The following PSMD8 variants were observed in gnomAD, a reference collection of about 807,000 sequenced individuals.
PSMD8 encodes 26S proteasome non-ATPase regulatory subunit 8.
A neutral mutation model predicts 40.0 loss-of-function variants in PSMD8; 30 were observed. That is an observed-to-expected ratio of 0.75 (90% CI 0.56 to 1.02). PSMD8 has a LOEUF of 1.02. PSMD8 is among the 50% of genes least tolerant of loss of function. PSMD8 has a pLI of 0.00. For missense variants in PSMD8, 461 were observed against 463.9 expected, an observed-to-expected ratio of 0.99 and a Z score of 0.06; for synonymous variants, 208 against 192.5, an observed-to-expected ratio of 1.08 and a Z score of -0.67.
chr19:38,380,088 A>G (rs961518245), intron 4 of PSMD8, among the ~76,000 whole-genome samples: 6 of 152,244 alleles, frequency 3.9e-5, no homozygotes, highest in Non-Finnish European at 8.8e-5. Context: ...AGGAGTTCGA[A>G]ACCAGCCTGG....
intron 3 of PSMD8, among the ~76,000 whole-genome samples, chr19:38,377,930 G>A (rs371188090): frequency 4.0e-4 from 61 of 151,182 alleles, no homozygotes; most frequent in Admixed American, 2.8e-3. Context: ...GTGAGCCACC[G>A]CGCCCGGCCA....
rs767031089 is a variant in PSMD8 at position 38,374,644 on chromosome 19, C to G, written c.43C>G (p.Arg15Gly). 2 of 1,513,736 alleles carry G rather than the reference C, an allele frequency of 1.3e-6. No homozygotes were observed. The highest frequency in any genetic ancestry group is 8.8e-7 in the Non-Finnish European group (1 of 1,138,332). The allele number at this position is 1,513,736 out of a possible 1,614,324, so 93.8% of individuals were successfully genotyped here. Residue 15 changes from arginine (R) to glycine (G), a missense_variant, in exon 1 of 7, where the codon CGA becomes GGA. Physicochemically the swap from Arg to Gly is moderately radical, Grantham distance 125 (BLOSUM62 -2). Coordinates refer to ENST00000215071, the MANE Select transcript of PSMD8 (RefSeq NM_002812.5). The part of the protein sequence containing the change: ...GRAPRAPPRE[R>G]RRATRGGLRQ... The stretch of plus-strand genomic sequence containing the variant: ...GGCTCCGAGGGCGCCACCTCGAGAG[C>G]GACGGCGGGCTACCCGGGGCGGGCT...
At chr19:38,380,604 A>T (rs1280360669) in intron 4 of PSMD8, among the ~76,000 whole-genome samples, 1 of 142,252 alleles carries the variant, frequency 7.0e-6, no homozygotes, top group Non-Finnish European at 1.5e-5. Flanking sequence ...CCTGGAAAAT[A>T]GATGGATAAT....
At position 38,374,665 on chromosome 19, in the gene PSMD8, G is replaced by T. The variant is rs1011864894; in HGVS notation, c.64G>T (p.Gly22Trp). 2.6e-6 allele frequency: 4 copies of T among 1,523,738 alleles called. No homozygotes were observed. The highest frequency in any genetic ancestry group is 2.8e-5 in the African/African-American group (2 of 70,968). 94.4% of individuals were successfully genotyped at this position (1,523,738 alleles called of 1,614,324 possible). Residue 22 changes from glycine to tryptophan, a missense_variant, in exon 1 of 7, where the codon GGG (glycine) becomes TGG (tryptophan). Physicochemically the swap from Gly to Trp is radical, Grantham distance 184 (BLOSUM62 -2). Coordinates refer to ENST00000215071, the MANE Select transcript of PSMD8 (RefSeq NM_002812.5). ...PRERRRATRGGLRQVVAPPRA... is the reference protein window; with the variant it reads ...PRERRRATRGWLRQVVAPPRA... ...AGAGCGACGGCGGGCTACCCGGGGC[G>T]GGCTGAGGCAGGTTGTAGCCCCGCC...
chr19:38,383,515 A>G lies in PSMD8; in HGVS notation c.*125A>G, dbSNP rs2145131615. 6 of 1,303,798 alleles carry G rather than the reference A, an allele frequency of 4.6e-6. No individual in the cohort carries two copies. Among genetic ancestry groups the G allele is most frequent in the Non-Finnish European group, 6.4e-6 (6 of 941,330 alleles). 80.8% of individuals were successfully genotyped at this position (1,303,798 alleles called of 1,614,324 possible). A position where few individuals can be genotyped will look rare whatever the true frequency, so the allele number is the denominator to read the frequency against. ...CCCTTGTCTCCCCAGTTGGGACGGC[A>G]GAGAGACAAGTTCTTATATCTGAAG... On this transcript the variant is annotated 3_prime_UTR_variant, in exon 7 of 7. Coordinates refer to ENST00000215071, the MANE Select transcript of PSMD8 (RefSeq NM_002812.5).
intron 5 of PSMD8, 119 bp from the exon 6 acceptor site, chr19:38,381,998 C>A: frequency 1.2e-5 from 8 of 687,946 alleles, no homozygotes; most frequent in Non-Finnish European, 2.0e-5. Flanking sequence ...GGGCCCTTCA[C>A]ATATTCCTGC....
At chr19:38,382,421 G>A (rs1970648985) in intron 6 of PSMD8, 193 bp downstream of exon 6, 1 of 606,126 alleles carries the variant, frequency 1.6e-6, no homozygotes, top group Non-Finnish European at 3.0e-6. Context: ...CATGGGATGA[G>A]CTTAGTACCT....
intron 1 of PSMD8, among the ~76,000 whole-genome samples, chr19:38,375,730 C>G (rs962461310): frequency 6.6e-6 from 1 of 152,162 alleles, no homozygotes; most frequent in Non-Finnish European, 1.5e-5. Flanking sequence ...TGGCTTGGAA[C>G]AAGCTGCTGA....
chr19:38,383,532 T>C lies in PSMD8; in HGVS notation c.*142T>C, dbSNP rs989346318. The stretch of plus-strand genomic sequence containing the variant: ...GGGACGGCAGAGAGACAAGTTCTTA[T>C]ATCTGAAGAACTTGGAGGTTTTGGG... On this transcript the variant is annotated 3_prime_UTR_variant, in exon 7 of 7. Coordinates refer to ENST00000215071, the MANE Select transcript of PSMD8 (RefSeq NM_002812.5). The C allele has an allele frequency of 7.8e-6, 9 of 1,148,390 alleles. No homozygotes were observed. The highest frequency in any genetic ancestry group is 2.5e-5 in the Admixed American group (1 of 40,550). The allele number at this position is 1,148,390 out of a possible 1,614,324, so 71.1% of individuals were successfully genotyped here.
intron 5 of PSMD8, among the ~76,000 whole-genome samples, chr19:38,381,537 T>C (rs909827805): frequency 2.6e-5 from 4 of 152,178 alleles, no homozygotes; most frequent in Non-Finnish European, 5.9e-5. Context: ...CAGAATGAGT[T>C]TCCATGCCTT....
intron 2 of PSMD8, 53 bp downstream of exon 2, chr19:38,376,285 A>G (rs1380176722): frequency 7.8e-6 from 12 of 1,540,368 alleles, no homozygotes; most frequent in Non-Finnish European, 1.1e-5. Flanking sequence ...CATGGCAGGA[A>G]TGGTAGCACT....
Position 38,376,141 on chromosome 19 carries a change from TC to T in PSMD8, c.361-16del. The T allele has an allele frequency of 7.4e-7, 1 of 1,356,178 alleles. No individual in the cohort carries two copies. Among genetic ancestry groups the T allele is most frequent in the Non-Finnish European group, 1.0e-6 (1 of 952,964 alleles). 84.0% of individuals were successfully genotyped at this position (1,356,178 alleles called of 1,614,324 possible). ...GAATTCCCTTCTTTTCTTTCTTCCC[TC>T]CCTCCCCTCCCCATCAGCTAGTTCT... On this transcript the variant is annotated intron_variant, in intron 1 of 6. Coordinates refer to ENST00000215071, the MANE Select transcript of PSMD8 (RefSeq NM_002812.5).
intron 3 of PSMD8, 75 bp from the exon 4 acceptor site, chr19:38,379,165 T>C: frequency 1.4e-6 from 2 of 1,458,392 alleles, no homozygotes; most frequent in Non-Finnish European, 1.9e-6. Flanking sequence ...TTGTGAGGAT[T>C]CCTGGAGCCT....
chr19:38,375,255 C>A, intron 1 of PSMD8: 1 of 428,422 alleles, frequency 2.3e-6, no homozygotes, highest in Non-Finnish European at 4.2e-6. Flanking sequence ...TCAGCCTGAG[C>A]AACATAGCGA....
chr19:38,377,186 T>C (rs1427124394), intron 3 of PSMD8, among the ~76,000 whole-genome samples: 1 of 152,176 alleles, frequency 6.6e-6, no homozygotes, highest in Admixed American at 6.5e-5. Context: ...GAGTGGTGAT[T>C]CTTTTATTTA....
chr19:38,382,604 A>C, intron 6 of PSMD8: 2 of 432,080 alleles, frequency 4.6e-6, no homozygotes, highest in Non-Finnish European at 4.1e-6. Flanking sequence ...GGAAGGTGAA[A>C]TTGGGCTGGG....
intron 4 of PSMD8, 84 bp downstream of exon 4, chr19:38,379,489 C>T: frequency 7.0e-7 from 1 of 1,428,282 alleles, no homozygotes; most frequent in Non-Finnish European, 9.7e-7. Context: ...GAAGGAGTGG[C>T]CAGGGTTCAC....
intron 5 of PSMD8, 62 bp from the exon 6 acceptor site, chr19:38,382,055 G>C (rs1410252978): frequency 9.7e-6 from 12 of 1,233,114 alleles, no homozygotes; most frequent in African/African-American, 3.0e-5. Flanking sequence ...GTCAGGTCTG[G>C]GGGGACAGGT....
chr19:38,383,183 C>T, intron 6 of PSMD8, 70 bp from the exon 7 acceptor site: 2 of 1,592,840 alleles, frequency 1.3e-6, no homozygotes. Flanking sequence ...TGGGCAAGTG[C>T]TGGCCCCATA....
Sources: gnomAD v4.1 joint callset for allele counts (sites outside exome capture counted in the v4.1 genomes callset) on GRCh38, gnomAD v4.1.1 for gene constraint, MANE v1.5 for transcripts, NCBI Gene and HGNC (gene_info 2026-07-23, HGNC 2026-07-21) for gene names.